The following DLGAP2 variants were observed in gnomAD, a reference collection of about 807,000 sequenced individuals.
The protein encoded by DLGAP2 is disks large-associated protein 2.
A neutral mutation model predicts 100.3 loss-of-function variants in DLGAP2; 26 were observed. The ratio of observed to expected loss-of-function variants is 0.26; its 90% CI spans 0.19 to 0.36. The LOEUF (loss-of-function observed/expected upper bound fraction) is 0.36, where lower values mean the gene tolerates loss of function less well. Among genes scored for constraint, DLGAP2 ranks in the 10% least tolerant of loss-of-function variants. DLGAP2 has a pLI of 1.00. For missense variants in DLGAP2, 1,858 were observed against 1,453.2 expected, an observed-to-expected ratio of 1.28 and a Z score of -4.53; for synonymous variants, 886 against 630.1, an observed-to-expected ratio of 1.41 and a Z score of -6.08.
At chr8:1,389,302 G>C (rs13266620) in intron 3 of DLGAP2, among the ~76,000 whole-genome samples, 33,604 of 140,646 alleles carry the variant, frequency 0.24, 4,180 homozygotes, top group East Asian at 0.32. Context: ...TGGAGGAGGA[G>C]GATGGGAAGG....
intron 3 of DLGAP2, among the ~76,000 whole-genome samples, chr8:1,321,355 C>T (rs1485862284): frequency 6.6e-6 from 1 of 151,460 alleles, no homozygotes; most frequent in Non-Finnish European, 1.5e-5. Context: ...TGTGCTTATG[C>T]ATCCGTACCA....
At chr8:967,201 G>A (rs981724423) in intron 2 of DLGAP2, among the ~76,000 whole-genome samples, 8 of 152,344 alleles carry the variant, frequency 5.3e-5, no homozygotes, top group Non-Finnish European at 1.0e-4. Context: ...CACTGTACAC[G>A]TTTAAACACT....
At chr8:1,678,867 G>A (rs894038654) in intron 12 of DLGAP2, 3 of 449,628 alleles carry the variant, frequency 6.7e-6, no homozygotes, top group Non-Finnish European at 1.1e-5. Context: ...AAGTTGAATA[G>A]AAAATCAACT....
intron 2 of DLGAP2, among the ~76,000 whole-genome samples, chr8:1,056,006 T>C (rs1206645165): frequency 6.6e-6 from 1 of 152,188 alleles, no homozygotes; most frequent in Non-Finnish European, 1.5e-5. Context: ...AAGCTGCTCC[T>C]TATGGAGGCA....
chr8:959,450 C>T (rs1235858638), intron 2 of DLGAP2, among the ~76,000 whole-genome samples: 1 of 152,214 alleles, frequency 6.6e-6, no homozygotes, highest in Non-Finnish European at 1.5e-5. Flanking sequence ...TCTGAGAATG[C>T]CCTGGCTCAT....
chr8:877,421 C>T (rs942573066), intron 1 of DLGAP2, among the ~76,000 whole-genome samples: 3 of 152,306 alleles, frequency 2.0e-5, no homozygotes, highest in African/African-American at 7.2e-5. Flanking sequence ...GGGGTTGCAG[C>T]TTTGGGTGTG....
intron 1 of DLGAP2, among the ~76,000 whole-genome samples, chr8:818,316 C>T (rs9314633): frequency 0.21 from 32,231 of 152,144 alleles, 4,390 homozygotes; most frequent in Non-Finnish European, 0.3. Flanking sequence ...CCCACTCCCA[C>T]GCAGCCCGCT....
At chr8:1,189,038 TCC>T (rs1797577949) in intron 2 of DLGAP2, among the ~76,000 whole-genome samples, 3 of 150,186 alleles carry the variant, frequency 2.0e-5, no homozygotes, top group Non-Finnish European at 2.9e-5. Context: ...CCATGGCGGT[TCC>T]GCTGTTGGGG....
At chr8:1,673,505 A>G (rs1798739722) in intron 10 of DLGAP2, among the ~76,000 whole-genome samples, 1 of 152,218 alleles carries the variant, frequency 6.6e-6, no homozygotes, top group Non-Finnish European at 1.5e-5. Context: ...ACTTAGAAAG[A>G]TTTCATAAAA....
intron 2 of DLGAP2, among the ~76,000 whole-genome samples, chr8:1,249,147 G>A (rs1199108477): frequency 6.6e-6 from 1 of 152,200 alleles, no homozygotes; most frequent in Non-Finnish European, 1.5e-5. Context: ...TAATGAGAAA[G>A]CACTGCTCTA....
chr8:1,548,656 A>T lies in DLGAP2; in HGVS notation c.203A>T (p.His68Leu). 6.3e-7 allele frequency: 1 copy of T among 1,576,132 alleles called. No individual in the cohort carries two copies. Among genetic ancestry groups the T allele is most frequent in the Non-Finnish European group, 8.6e-7 (1 of 1,162,330 alleles). Residue 68 changes from histidine (H) to leucine (L), a missense_variant, in exon 5 of 15, where the codon CAC becomes CTC. His to Leu is a moderately conservative substitution (Grantham distance 99, BLOSUM62 -3). Transcript: ENST00000637795. Reference sequence around the variant, plus strand: ...CAGTACTCATGGTCGCCCACGCAGCACTTCAATGAGGAGCGCTACTCGCCC... The same window carrying T: ...CAGTACTCATGGTCGCCCACGCAGCTCTTCAATGAGGAGCGCTACTCGCCC... The part of the protein sequence containing the change: ...DPQYSWSPTQ[H>L]FNEERYSPAP...
chr8:837,008 G>A (rs892008595), intron 1 of DLGAP2, among the ~76,000 whole-genome samples: 1 of 152,216 alleles, frequency 6.6e-6, no homozygotes, highest in African/African-American at 2.4e-5. Context: ...GCTAGATAAT[G>A]TCATGGTTAG....
In DLGAP2 at chr8:1,189,030, AT is replaced by A. The variant is rs570263501; in HGVS notation, c.74-69820del. On this transcript the variant is annotated intron_variant, in intron 2 of 14. Coordinates refer to ENST00000637795, the MANE Select transcript of DLGAP2 (RefSeq NM_001346810.2). ...TGACCTTACACAGGGTTCGGGCCCC[AT>A]GGCGGTTCCGCTGTTGGGGTTGAGC... Among the ~76,000 whole-genome samples the A allele has an allele frequency of 3.3e-4, 41 of 123,412 alleles. 1 individual carries two copies. The highest frequency in any genetic ancestry group is 2.1e-3 in the African/African-American group (36 of 17,060). The allele number at this position is 123,412 out of a possible 152,430, so 81.0% of individuals were successfully genotyped here.
intron 2 of DLGAP2, among the ~76,000 whole-genome samples, chr8:1,058,101 A>G (rs112072105): frequency 1.6e-4 from 24 of 152,300 alleles, no homozygotes; most frequent in African/African-American, 5.8e-4. Flanking sequence ...AGTGAGGATC[A>G]CGTGGGGTTG....
intron 3 of DLGAP2, among the ~76,000 whole-genome samples, chr8:1,287,905 G>GTGT (rs1799976686): frequency 1.4e-5 from 2 of 140,152 alleles, no homozygotes; most frequent in East Asian, 2.2e-4. Flanking sequence ...GTGTGTGTGT[G>GTGT]GTTTTGTTAG....
At chr8:970,121 G>A (rs569862253) in intron 2 of DLGAP2, among the ~76,000 whole-genome samples, 29 of 151,992 alleles carry the variant, frequency 1.9e-4, no homozygotes, top group African/African-American at 6.5e-4. Context: ...AATGTCCACC[G>A]GCATTCATTT....
chr8:1,090,862 G>C (rs1419614554), intron 2 of DLGAP2, among the ~76,000 whole-genome samples: 1 of 152,192 alleles, frequency 6.6e-6, no homozygotes, highest in African/African-American at 2.4e-5. Flanking sequence ...AGTCTGTTTA[G>C]ACTCACATGA....
At chr8:1,457,138 C>T (rs899928660) in intron 3 of DLGAP2, among the ~76,000 whole-genome samples, 1 of 152,156 alleles carries the variant, frequency 6.6e-6, no homozygotes, top group Non-Finnish European at 1.5e-5. Flanking sequence ...TTCAGTGTAT[C>T]CTATATTCAA....
intron 3 of DLGAP2, among the ~76,000 whole-genome samples, chr8:1,378,663 G>C (rs1298017567): frequency 6.6e-6 from 1 of 152,242 alleles, no homozygotes; most frequent in Non-Finnish European, 1.5e-5. Context: ...TGCACACATG[G>C]GTTGGGCGGG....
Sources: allele counts gnomAD v4.1 joint callset (sites outside exome capture counted in the v4.1 genomes callset), GRCh38; gene constraint gnomAD v4.1.1; transcripts MANE v1.5; gene names NCBI Gene and HGNC (gene_info 2026-07-23, HGNC 2026-07-21).